Variants in SH3RF1 observed in about 807,000 individuals in gnomAD.
SH3RF1 encodes SH3 domain containing ring finger 1.
A neutral mutation model predicts 74.0 loss-of-function variants in SH3RF1; 32 were observed. The ratio of observed to expected loss-of-function variants is 0.43; its 90% CI spans 0.33 to 0.58. SH3RF1 has a LOEUF of 0.58. Among genes scored for constraint, SH3RF1 ranks in the 20% least tolerant of loss-of-function variants. SH3RF1 has a pLI of 0.05. For synonymous variants in SH3RF1, 396 were observed against 439.6 expected (o/e 0.90, Z 1.24); for missense variants, 954 against 1,130.9 (o/e 0.84, Z 2.24).
chr4:169,149,265 G>A (rs1367831401), intron 4 of SH3RF1, among the ~76,000 whole-genome samples: 1 of 152,160 alleles, frequency 6.6e-6, no homozygotes, highest in Non-Finnish European at 1.5e-5. Flanking sequence ...TTTAGATTGA[G>A]TCTTTAGCCA....
At chr4:169,145,268 T>C (rs1400288781) in intron 4 of SH3RF1, among the ~76,000 whole-genome samples, 3 of 152,002 alleles carry the variant, frequency 2.0e-5, no homozygotes, top group Non-Finnish European at 4.4e-5. Flanking sequence ...AAGAGAGAAA[T>C]AATGTCTTTT....
intron 2 of SH3RF1, among the ~76,000 whole-genome samples, chr4:169,183,337 A>G (rs537598698): frequency 3.3e-5 from 5 of 152,246 alleles, no homozygotes; most frequent in East Asian, 3.9e-4. Flanking sequence ...CTGGAGTTCA[A>G]TGGCGTGATC....
intron 2 of SH3RF1, among the ~76,000 whole-genome samples, chr4:169,168,217 A>AAAAC (rs34513712): frequency 0.32 from 48,920 of 151,954 alleles, 8,207 homozygotes; most frequent in African/African-American, 0.41. Context: ...CAAAATGAGA[A>AAAAC]AAGAAATCTG....
At chr4:169,173,474 T>C (rs1734365568) in intron 2 of SH3RF1, among the ~76,000 whole-genome samples, 1 of 151,994 alleles carries the variant, frequency 6.6e-6, no homozygotes. Context: ...GTAAGTCCAG[T>C]GATTGAGGAA....
Position 169,120,856 on chromosome 4 carries a change from C to G in SH3RF1, c.1480G>C (p.Gly494Arg). The G allele has an allele frequency of 6.2e-7, 1 of 1,614,192 alleles. No homozygotes were observed. The highest frequency in any genetic ancestry group is 8.5e-7 in the Non-Finnish European group (1 of 1,180,032). Residue 494 changes from glycine to arginine, a missense_variant, in exon 8 of 12, where the codon GGG (glycine) becomes CGG (arginine). By Grantham distance (125) the Gly-to-Arg change is moderately radical. Coordinates refer to ENST00000284637, the MANE Select transcript of SH3RF1 (RefSeq NM_020870.4). The part of the protein sequence containing the change: ...KGTSMHTSKI[G>R]VFPGNYVAPV... ...GCCACATAATTGCCAGGGAAAACCC[C>G]TATCTTGCTGGTATGCATGGATGTC...
chr4:169,100,564 A>C (rs1177244820), intron 11 of SH3RF1, among the ~76,000 whole-genome samples: 1 of 151,662 alleles, frequency 6.6e-6, no homozygotes, highest in Non-Finnish European at 1.5e-5. Flanking sequence ...CTGGTCTCTA[A>C]CTCCTGACCT....
intron 2 of SH3RF1, chr4:169,166,587 G>A (rs955093249): frequency 1.5e-5 from 3 of 202,572 alleles, no homozygotes; most frequent in African/African-American, 7.0e-5. Flanking sequence ...AACCTAGGTG[G>A]TTAAACTTCA....
intron 2 of SH3RF1, among the ~76,000 whole-genome samples, chr4:169,179,049 C>T (rs374504878): frequency 2.0e-5 from 3 of 152,146 alleles, no homozygotes; most frequent in East Asian, 3.8e-4. Flanking sequence ...CCCTGAACCC[C>T]ATGAATCTGT....
intron 2 of SH3RF1, among the ~76,000 whole-genome samples, chr4:169,207,485 G>C (rs1374460230): frequency 6.6e-6 from 1 of 152,126 alleles, no homozygotes; most frequent in Non-Finnish European, 1.5e-5. Context: ...TATACCATTT[G>C]CTAAACCAAA....
At chr4:169,201,100 A>G (rs547510696) in intron 2 of SH3RF1, among the ~76,000 whole-genome samples, 45 of 152,336 alleles carry the variant, frequency 3.0e-4, no homozygotes, top group African/African-American at 1.1e-3. Flanking sequence ...CAATTTGAAA[A>G]AAACCTTTTC....
At chr4:169,200,384 G>A (rs1734889708) in intron 2 of SH3RF1, among the ~76,000 whole-genome samples, 5 of 151,994 alleles carry the variant, frequency 3.3e-5, no homozygotes, top group Admixed American at 3.3e-4. Flanking sequence ...TAATCACAAT[G>A]CAATTAAGTT....
intron 2 of SH3RF1, among the ~76,000 whole-genome samples, chr4:169,258,339 A>C (rs1731223158): frequency 6.6e-6 from 1 of 152,212 alleles, no homozygotes; most frequent in South Asian, 2.1e-4. Context: ...TAAACATTTC[A>C]AGCTGTCACA....
chr4:169,102,530 T>C (rs983752383), intron 11 of SH3RF1, among the ~76,000 whole-genome samples: 73 of 152,084 alleles, frequency 4.8e-4, no homozygotes, highest in Non-Finnish European at 9.4e-4. Context: ...ATATTTTTTT[T>C]CTTTGGAAGA....
Position 169,117,703 on chromosome 4 carries a change from G to A in SH3RF1, c.1597C>T (p.Pro533Ser). The change falls in exon 9 of 12, where the codon CCT (proline) becomes TCT (serine). Residue 533 changes from proline (P) to serine (S), a missense_variant. Pro to Ser is a moderately conservative substitution (Grantham distance 74, BLOSUM62 -1). This residue lies in a region of SH3RF1 where 854 missense variants were observed against 962.5 expected (regional missense o/e 0.89). Transcript: ENST00000284637. Reference protein sequence around the residue: ...QTSRGVTMVSPSTAGGPAQKL... With the variant: ...QTSRGVTMVSSSTAGGPAQKL... Reference sequence around the variant, plus strand: ...TGGGCAGGCCCTCCTGCCGTGGAAGGACTGACCATGGTCACTCCCCGACTT... The same window carrying A: ...TGGGCAGGCCCTCCTGCCGTGGAAGAACTGACCATGGTCACTCCCCGACTT... 6.2e-7 allele frequency: 1 copy of A among 1,614,162 alleles called. No homozygotes were observed. Among genetic ancestry groups the A allele is most frequent in the Non-Finnish European group, 8.5e-7 (1 of 1,180,032 alleles).
chr4:169,150,190 T>C (rs1733952984), intron 4 of SH3RF1, among the ~76,000 whole-genome samples: 1 of 152,348 alleles, frequency 6.6e-6, no homozygotes, highest in East Asian at 1.9e-4. Flanking sequence ...ACTTTAAATA[T>C]GTGTAGTTTA....
chr4:169,218,805 T>C (rs557220210), intron 2 of SH3RF1, among the ~76,000 whole-genome samples: 1 of 152,222 alleles, frequency 6.6e-6, no homozygotes, highest in South Asian at 2.1e-4. Context: ...AATTAACTGA[T>C]TCATTAATGG....
At chr4:169,174,803 C>T (rs563898198) in intron 2 of SH3RF1, among the ~76,000 whole-genome samples, 5 of 152,006 alleles carry the variant, frequency 3.3e-5, no homozygotes, top group Admixed American at 1.3e-4. Context: ...CAGAAGCATA[C>T]GGATTTTGAA....
rs768367136 is a variant in SH3RF1 at position 169,268,922 on chromosome 4, T to C, written c.291A>G (p.Leu97=). 1 of 1,614,064 alleles carries C rather than the reference T, an allele frequency of 6.2e-7. No individual in the cohort carries two copies. The highest frequency in any genetic ancestry group is 1.3e-5 in the African/African-American group (1 of 75,030). The part of the protein sequence containing the change: ...GGSGTNCTNA[L]RSQSSTVANC... ...TAGCCACAGTGCTGCTCTGAGACCT[T>C]AATGCATTTGTGCAGTTGGTCCCAC... is the stretch of plus-strand genomic sequence containing the variant. The change falls in exon 2 of 12, where the codon TTA becomes TTG. Residue 97 remains leucine, a synonymous_variant. Coordinates refer to ENST00000284637, the MANE Select transcript of SH3RF1 (RefSeq NM_020870.4).
In SH3RF1 at chr4:169,120,702, C is replaced by T. The variant is rs141862795; in HGVS notation, c.1517+117G>A. On this transcript the variant is annotated intron_variant, in intron 8 of 11. Transcript: ENST00000284637. ...CAGATGTAGACATGGATTTTTAAAACCTTGGCTATGTAACAGGCAATTATA... is the reference window on the plus strand; with the variant it reads ...CAGATGTAGACATGGATTTTTAAAATCTTGGCTATGTAACAGGCAATTATA... 185 of 1,107,242 alleles carry T rather than the reference C, an allele frequency of 1.7e-4. No homozygotes were observed. In the African/African-American group the frequency reaches 2.5e-3, roughly 15 times the overall value. 68.6% of individuals were successfully genotyped at this position (1,107,242 alleles called of 1,614,324 possible).
Sources: gnomAD v4.1 joint callset for allele counts (sites outside exome capture counted in the v4.1 genomes callset) on GRCh38, gnomAD v4.1.1 for gene constraint, gnomAD v4.1.1 regional missense constraint, MANE v1.5 for transcripts, NCBI Gene and HGNC (gene_info 2026-07-23, HGNC 2026-07-21) for gene names.